Variants in CHPF2 observed in about 807,000 individuals in gnomAD.
CHPF2 encodes chondroitin polymerizing factor 2, also known as chondroitin polymerizing factor 2, non-catalytic subunit.
A neutral mutation model predicts 63.0 loss-of-function variants in CHPF2; 58 were observed. The observed-to-expected ratio is 0.92, with a 90% CI of 0.75 to 1.15. The LOEUF (loss-of-function observed/expected upper bound fraction) is 1.15, where lower values mean the gene tolerates loss of function less well. CHPF2 is among the 50% of genes most tolerant of loss of function. The pLI is 0.00. For missense variants in CHPF2, 1,045 were observed against 1,035.4 expected, an observed-to-expected ratio of 1.01 and a Z score of -0.13; for synonymous variants, 442 against 438.0, an observed-to-expected ratio of 1.01 and a Z score of -0.11.
At chr7:151,235,963 C>G (rs1337729772) in intron 2 of CHPF2, among the ~76,000 whole-genome samples, 1 of 152,146 alleles carries the variant, frequency 6.6e-6, no homozygotes, top group African/African-American at 2.4e-5. Context: ...CTTTTCCAGC[C>G]CAGAGAGCTG....
rs148167405 is a variant in CHPF2 at position 151,237,838 on chromosome 7, G to A, written c.1476G>A (p.Val492=). The change falls in exon 4 of 4, where the codon GTG becomes GTA. Residue 492 remains valine (V), a synonymous_variant. Transcript: ENST00000035307. ...YVTEATRVQL[V]LPLLVAEAAA... Reference sequence around the variant, plus strand: ...CTGAGGCCACCCGAGTGCAGCTGGTGCTGCCACTCCTGGTGGCTGAAGCTG... The same window carrying A: ...CTGAGGCCACCCGAGTGCAGCTGGTACTGCCACTCCTGGTGGCTGAAGCTG... 2,541 of 1,612,578 alleles carry A rather than the reference G, an allele frequency of 1.6e-3. 3 individuals are homozygous for A. The highest frequency in any genetic ancestry group is 1.7e-3 in the Non-Finnish European group (2,021 of 1,180,004).
intron 3 of CHPF2, 46 bp from the exon 4 acceptor site, chr7:151,237,328 G>A (rs769067023): frequency 5.4e-6 from 8 of 1,482,384 alleles, no homozygotes; most frequent in Non-Finnish European, 7.3e-6. Context: ...AGCTGGGTAG[G>A]ATCCTGGAGC....
In CHPF2 at chr7:151,238,242, A is replaced by G. The variant is rs140898729; in HGVS notation, c.1880A>G (p.Asn627Ser). 3.0e-4 allele frequency: 484 copies of G among 1,612,476 alleles called. 1 individual carries two copies. The highest frequency in any genetic ancestry group is 3.7e-4 in the Non-Finnish European group (434 of 1,179,916). The change falls in exon 4 of 4, where the codon AAT (asparagine) becomes AGT (serine). Residue 627 changes from asparagine to serine, a missense_variant. Asn to Ser is a conservative substitution (Grantham distance 46). Transcript: ENST00000035307. The stretch of plus-strand genomic sequence containing the variant: ...TTTCCAGTCCATTTCCAGGAGTTCA[A>G]TCCTGCCCTGTCACCACAGAGATCA... Reference protein sequence around the residue: ...AFFPVHFQEFNPALSPQRSPP... With the variant: ...AFFPVHFQEFSPALSPQRSPP...
rs747238221 is a variant in CHPF2, at chr7:151,235,352, C to A, written c.568C>A (p.Pro190Thr). 4 of 1,613,764 alleles carry A rather than the reference C, an allele frequency of 2.5e-6. No homozygotes were observed. Among genetic ancestry groups the A allele is most frequent in the Admixed American group, 3.3e-5 (2 of 60,002 alleles). ...IMQDDTYVQA[P>T]RLAALAGHLS... is the part of the protein sequence containing the mutation. ...GCAGGATGACACATATGTGCAGGCC[C>A]CCCGCCTGGCAGCCCTTGCTGGCCA... The change falls in exon 2 of 4, where the codon CCC (proline) becomes ACC (threonine). Residue 190 changes from proline (P) to threonine (T), a missense_variant. By Grantham distance (38) the Pro-to-Thr change is conservative. Transcript: ENST00000035307.
intron 1 of CHPF2, 114 bp from the exon 2 acceptor site, chr7:151,234,934 G>C: frequency 1.4e-6 from 1 of 734,478 alleles, no homozygotes; most frequent in Non-Finnish European, 2.2e-6. Context: ...TGACAAGGAA[G>C]GAAGTTTCTC....
In CHPF2 at chr7:151,234,335, C is replaced by T; in HGVS notation, c.263+61C>T. The stretch of plus-strand genomic sequence containing the variant: ...GGCCCTGTTTTGGGCTGGTGTAAAT[C>T]CTTGCCTCTGCCTTTCCATTGGCAA... On this transcript the variant is annotated intron_variant, in intron 1 of 3. Transcript: ENST00000035307. 3 of 1,300,104 alleles carry T rather than the reference C, an allele frequency of 2.3e-6. No individual in the cohort carries two copies. The East Asian group carries it at 8.3e-5, about 36-fold the overall frequency. 80.5% of individuals were successfully genotyped at this position (1,300,104 alleles called of 1,614,324 possible). A position where few individuals can be genotyped will look rare whatever the true frequency, so the allele number is the denominator to read the frequency against.
chr7:151,238,455 C>A lies in CHPF2; in HGVS notation c.2093C>A (p.Ala698Asp). ...GELAGQEEEEALEGLEVMDVF... is the reference protein window; with the variant it reads ...GELAGQEEEEDLEGLEVMDVF... The stretch of plus-strand genomic sequence containing the variant: ...CTGGCAGGCCAGGAAGAGGAGGAAG[C>A]CCTGGAGGGGCTGGAGGTGATGGAT... Residue 698 changes from alanine to aspartate, a missense_variant, in exon 4 of 4, where the codon GCC becomes GAC. Transcript: ENST00000035307. 1 of 1,587,028 alleles carries A rather than the reference C, an allele frequency of 6.3e-7. No homozygotes were observed.
At chr7:151,237,303 A>G (rs1179192113) in intron 3 of CHPF2, 71 bp from the exon 4 acceptor site, 2 of 1,245,142 alleles carry the variant, frequency 1.6e-6, no homozygotes, top group Non-Finnish European at 2.2e-6. Flanking sequence ...TGAATCTCAG[A>G]GCCCAGGCAG....
Position 151,236,484 on chromosome 7 carries a change from C to T in CHPF2, c.905C>T (p.Ala302Val). ...GAAGGGAGCTCGGCTTTCCTGAGTGCCTTCGCCGTGCACCCTGTCTCCGAA... is the reference window on the plus strand; with the variant it reads ...GAAGGGAGCTCGGCTTTCCTGAGTGTCTTCGCCGTGCACCCTGTCTCCGAA... ...EKEGSSAFLS[A>V]FAVHPVSEGT... is the part of the protein sequence containing the mutation. The change falls in exon 3 of 4, where the codon GCC becomes GTC. Residue 302 changes from alanine to valine, a missense_variant. Physicochemically the swap from Ala to Val is moderately conservative, Grantham distance 64. Transcript: ENST00000035307. 6.2e-7 allele frequency: 1 copy of T among 1,610,494 alleles called. No individual in the cohort carries two copies. The highest frequency in any genetic ancestry group is 8.5e-7 in the Non-Finnish European group (1 of 1,177,102).
Position 151,238,165 on chromosome 7 carries a change from C to T in CHPF2, c.1803C>T (p.Pro601=), listed in dbSNP as rs764805078. The T allele has an allele frequency of 1.2e-5, 20 of 1,612,710 alleles. No homozygotes were observed. Among genetic ancestry groups the T allele is most frequent in the East Asian group, 2.2e-5 (1 of 44,888 alleles). Residue 601 remains proline, a synonymous_variant, in exon 4 of 4, where the codon CCC becomes CCT. Transcript: ENST00000035307. Reference sequence around the variant, plus strand: ...CCACCGTGTGGACAAGGCCTGGGCCCGAAGTCCTCAACCGCTGTCGCATGA... The same window carrying T: ...CCACCGTGTGGACAAGGCCTGGGCCTGAAGTCCTCAACCGCTGTCGCATGA... ...FLTTVWTRPG[P]EVLNRCRMNA...
Position 151,237,992 on chromosome 7 carries a change from G to C in CHPF2, c.1630G>C (p.Gly544Arg). 1 of 1,613,170 alleles carries C rather than the reference G, an allele frequency of 6.2e-7. No homozygotes were observed. The highest frequency in any genetic ancestry group is 8.5e-7 in the Non-Finnish European group (1 of 1,180,038). The change falls in exon 4 of 4, where the codon GGG becomes CGG. Residue 544 changes from glycine (G) to arginine (R), a missense_variant. Gly to Arg is a moderately radical substitution (Grantham distance 125). Transcript: ENST00000035307. Reference sequence around the variant, plus strand: ...CCGTGGAGCTCCAGACCCATTTCTTGGGGTGAAGGCTGCAGCAGCGGAGTT... The same window carrying C: ...CCGTGGAGCTCCAGACCCATTTCTTCGGGTGAAGGCTGCAGCAGCGGAGTT... ...GGRGAPDPFLGVKAAAAELER... is the reference protein window; with the variant it reads ...GGRGAPDPFLRVKAAAAELER...
Position 151,237,951 on chromosome 7 carries a change from G to A in CHPF2, c.1589G>A (p.Gly530Glu). 1 of 1,613,160 alleles carries A rather than the reference G, an allele frequency of 6.2e-7. No homozygotes were observed. Among genetic ancestry groups the A allele is most frequent in the Non-Finnish European group, 8.5e-7 (1 of 1,180,040 alleles). Reference sequence around the variant, plus strand: ...TTGCTCACCCTGTTGCTGGTCTACGGGCCACGAGAAGGTGGCCGTGGAGCT... The same window carrying A: ...TTGCTCACCCTGTTGCTGGTCTACGAGCCACGAGAAGGTGGCCGTGGAGCT... ...HALLTLLLVY[G>E]PREGGRGAPD... Residue 530 changes from glycine to glutamate, a missense_variant, in exon 4 of 4, where the codon GGG becomes GAG. Coordinates refer to ENST00000035307, the MANE Select transcript of CHPF2 (RefSeq NM_019015.3).
chr7:151,234,197 C>A lies in CHPF2; in HGVS notation c.186C>A (p.Asp62Glu). The A allele has an allele frequency of 6.2e-7, 1 of 1,613,610 alleles. No homozygotes were observed. Among genetic ancestry groups the A allele is most frequent in the Non-Finnish European group, 8.5e-7 (1 of 1,179,798 alleles). Reference protein sequence around the residue: ...PQNPDSRARLDQSDEDFKPRI... With the variant: ...PQNPDSRARLEQSDEDFKPRI... ...ATCCAGATTCCAGAGCTCGGCTAGA[C>A]CAAAGTGATGAAGACTTCAAACCCC... The change falls in exon 1 of 4, where the codon GAC becomes GAA. Residue 62 changes from aspartate to glutamate, a missense_variant. Physicochemically the swap from Asp to Glu is conservative, Grantham distance 45. Transcript: ENST00000035307.
chr7:151,233,085 G>A lies in CHPF2; in HGVS notation c.-927G>A, dbSNP rs1802519786. 2 of 1,223,394 alleles carry A rather than the reference G, an allele frequency of 1.6e-6. No individual in the cohort carries two copies. Among genetic ancestry groups the A allele is most frequent in the Non-Finnish European group, 2.0e-6 (2 of 980,206 alleles). The allele number at this position is 1,223,394 out of a possible 1,614,324, so 75.8% of individuals were successfully genotyped here. On this transcript the variant is annotated 5_prime_UTR_variant, in exon 1 of 4. Coordinates refer to ENST00000035307, the MANE Select transcript of CHPF2 (RefSeq NM_019015.3). ...TTTGCGTTCCCAGGACCCTGGCATT[G>A]TCTCTAGTTGCTGCTTGTGCTCTCT...
chr7:151,235,791 A>G (rs1802624939), intron 2 of CHPF2, among the ~76,000 whole-genome samples, 179 bp downstream of exon 2: 1 of 152,212 alleles, frequency 6.6e-6, no homozygotes, highest in Non-Finnish European at 1.5e-5. Context: ...CAAAAGTAGT[A>G]TCTTGTTAGG....
In CHPF2 at chr7:151,238,535, G is replaced by T. The variant is rs1478918616; in HGVS notation, c.2173G>T (p.Val725Leu). 1.2e-6 allele frequency: 2 copies of T among 1,610,934 alleles called. No homozygotes were observed. The highest frequency in any genetic ancestry group is 2.7e-5 in the African/African-American group (2 of 75,006). Residue 725 changes from valine to leucine, a missense_variant, in exon 4 of 4, where the codon GTG becomes TTG. By Grantham distance (32) the Val-to-Leu change is conservative. Coordinates refer to ENST00000035307, the MANE Select transcript of CHPF2 (RefSeq NM_019015.3). ...CTTTCGGGCCGTAGAGCCAGGGCTG[G>T]TGCAGAAGTTCTCCCTGCGAGACTG... ...HLFRAVEPGL[V>L]QKFSLRDCSP... is the part of the protein sequence containing the mutation.
chr7:151,235,002 C>A, intron 1 of CHPF2, 46 bp from the exon 2 acceptor site: 2 of 1,463,248 alleles, frequency 1.4e-6, no homozygotes, highest in South Asian at 2.7e-5. Flanking sequence ...AAGCTGGGTT[C>A]CTAAAGATTA....
In CHPF2 at chr7:151,233,965, C is replaced by G; in HGVS notation, c.-47C>G. On this transcript the variant is annotated 5_prime_UTR_variant, in exon 1 of 4. The change creates a new upstream start codon in the 5' untranslated region. Coordinates refer to ENST00000035307, the MANE Select transcript of CHPF2 (RefSeq NM_019015.3). ...GCCTGGTGCCCATCAATCCATTGATCCTTGAGGCTGTGCCCCTGGGGCACC... is the reference window on the plus strand; with the variant it reads ...GCCTGGTGCCCATCAATCCATTGATGCTTGAGGCTGTGCCCCTGGGGCACC... 6.8e-7 allele frequency: 1 copy of G among 1,473,450 alleles called. No individual in the cohort carries two copies. The highest frequency in any genetic ancestry group is 9.0e-7 in the Non-Finnish European group (1 of 1,114,174). 91.3% of individuals were successfully genotyped at this position (1,473,450 alleles called of 1,614,324 possible).
chr7:151,232,548 G>A lies in CHPF2; in HGVS notation c.-1464G>A. 2.0e-6 allele frequency: 1 copy of A among 511,802 alleles called. No homozygotes were observed. 31.7% of individuals were successfully genotyped at this position (511,802 alleles called of 1,614,324 possible). A position where few individuals can be genotyped will look rare whatever the true frequency, so the allele number is the denominator to read the frequency against. On this transcript the variant is annotated 5_prime_UTR_variant, in exon 1 of 4. Transcript: ENST00000035307. ...GCAGCGGCGGAGCCGGCGCCTCAGC[G>A]GGCACTGGGGTCTGTTCCCCCTTCC... is the stretch of plus-strand genomic sequence containing the variant.
Sources: allele counts gnomAD v4.1 joint callset (sites outside exome capture counted in the v4.1 genomes callset), GRCh38; gene constraint gnomAD v4.1.1; transcripts MANE v1.5; gene names NCBI Gene and HGNC (gene_info 2026-07-23, HGNC 2026-07-21).